Variants in RGL1 observed in about 807,000 individuals in gnomAD.
RGL1 encodes the protein ral guanine nucleotide dissociation stimulator-like 1.
RGL1 carries 24 observed loss-of-function variants against 95.2 expected under a neutral mutation model. That is an observed-to-expected ratio of 0.25 (90% CI 0.18 to 0.35). The LOEUF is 0.35. Ranked by LOEUF, RGL1 falls within the 10% of genes least tolerant of loss-of-function variation. The pLI, the probability that RGL1 is intolerant of heterozygous loss-of-function variation, is 1.00. For missense variants in RGL1, 715 were observed against 936.3 expected (o/e 0.76, Z 3.08); for synonymous variants, 329 against 344.9 (o/e 0.95, Z 0.51).
At position 183,742,169 on chromosome 1, in the gene RGL1, A is replaced by G. The variant is rs1288318711; in HGVS notation, c.12A>G (p.Lys4=). 1.9e-6 allele frequency: 3 copies of G among 1,613,830 alleles called. No homozygotes were observed. In the African/African-American group the frequency reaches 4.0e-5, roughly 22 times the overall value. ...CTGCCTCTTTCAAGATGGAGGTGAA[A>G]CCTGTGGGAGAACCTACTCAAGAGG... The change falls in exon 2 of 19, where the codon AAA becomes AAG. Residue 4 remains lysine, a synonymous_variant. Coordinates refer to the RGL1 transcript ENST00000304685.
In RGL1 at chr1:183,926,249, A is replaced by C; in HGVS notation, c.2264A>C (p.Lys755Thr). Residue 755 changes from lysine to threonine, a missense_variant, in exon 18 of 18, where the codon AAA becomes ACA. This residue lies in a region of RGL1 where 330 missense variants were observed against 429.6 expected (regional missense o/e 0.77). Coordinates refer to ENST00000360851, the MANE Select transcript of RGL1 (RefSeq NM_001297671.3). ...AGCTTGACGTTGCCCAGGACAGCTA[A>C]ACGGGGCTGCTGGAGTAACAGACAC... ...RTSLTLPRTA[K>T]RGCWSNRHSK... 6.2e-7 allele frequency: 1 copy of C among 1,613,418 alleles called. No homozygotes were observed. The highest frequency in any genetic ancestry group is 8.5e-7 in the Non-Finnish European group (1 of 1,179,668).
chr1:183,806,230 T>C, intron 1 of RGL1, 145 bp from the exon 2 acceptor site: 5 of 579,448 alleles, frequency 8.6e-6, no homozygotes, highest in Non-Finnish European at 1.2e-5. Context: ...AAATGTGTCT[T>C]GTATTGCGGA....
At chr1:183,723,133 G>A (rs1656107428) in intron 1 of RGL1, among the ~76,000 whole-genome samples, 1 of 151,984 alleles carries the variant, frequency 6.6e-6, no homozygotes, top group Admixed American at 6.5e-5. Context: ...AGACAAATAA[G>A]ATAAAGATGC....
chr1:183,667,245 A>T (rs1024657881), intron 1 of RGL1, among the ~76,000 whole-genome samples: 1 of 151,260 alleles, frequency 6.6e-6, no homozygotes, highest in Middle Eastern at 3.2e-3. Context: ...TTTAAACAAC[A>T]TATAGCCAGG....
intron 2 of RGL1, among the ~76,000 whole-genome samples, chr1:183,820,582 C>G (rs1010649576): frequency 2.6e-5 from 4 of 152,114 alleles, no homozygotes; most frequent in Admixed American, 2.6e-4. Flanking sequence ...TTGCCACTCT[C>G]TTGCTCTGGA....
At chr1:183,807,613 C>G (rs1293846271) in intron 2 of RGL1, among the ~76,000 whole-genome samples, 1 of 152,216 alleles carries the variant, frequency 6.6e-6, no homozygotes, top group African/African-American at 2.4e-5. Flanking sequence ...ACTTCCTCTG[C>G]CATGAGTCTG....
Position 183,824,782 on chromosome 1 carries a change from A to G in RGL1, c.138+18297A>G, listed in dbSNP as rs185304024. Among the ~76,000 whole-genome samples, 81 of 152,318 alleles carry G rather than the reference A, an allele frequency of 5.3e-4. 1 individual carries two copies. The highest frequency in any genetic ancestry group is 1.9e-3 in the African/African-American group (81 of 41,574). ...CTCTTTAGGTGCTTTCTTTCATTGCATATTTTAAATATTTGTCTCACCTTT... is the reference window on the plus strand; with the variant it reads ...CTCTTTAGGTGCTTTCTTTCATTGCGTATTTTAAATATTTGTCTCACCTTT... On this transcript the variant is annotated intron_variant, in intron 2 of 17. Transcript: ENST00000360851.
rs1277794255 is a variant in RGL1, at chr1:183,850,284, TATC to T, written c.347+2513_347+2515del. Among the ~76,000 whole-genome samples the T allele has an allele frequency of 3.3e-5, 5 of 151,618 alleles. No individual in the cohort carries two copies. In the East Asian group the frequency reaches 5.8e-4, roughly 18 times the overall value. On this transcript the variant is annotated intron_variant, in intron 3 of 17. Transcript: ENST00000360851. ...ATATTAAGGGAATTAGTTTGTTGCT[TATC>T]ATATGTTAGAAATATTTTCCTAATT...
chr1:183,855,078 A>G (rs987006530), intron 3 of RGL1, among the ~76,000 whole-genome samples: 1 of 152,178 alleles, frequency 6.6e-6, no homozygotes, highest in African/African-American at 2.4e-5. Flanking sequence ...TGCCTGCAGT[A>G]GGTGCTTAGG....
chr1:183,649,689 A>G (rs1386803567), intron 1 of RGL1, among the ~76,000 whole-genome samples: 1 of 152,216 alleles, frequency 6.6e-6, no homozygotes, highest in Non-Finnish European at 1.5e-5. Context: ...ATGGTTCTTT[A>G]GAATATTTCA....
At chr1:183,876,483 G>A (rs763517942) in intron 4 of RGL1, among the ~76,000 whole-genome samples, 9 of 152,228 alleles carry the variant, frequency 5.9e-5, no homozygotes, top group Non-Finnish European at 8.8e-5. Flanking sequence ...CCTTAGGACC[G>A]AGGAGTTTTG....
intron 2 of RGL1, among the ~76,000 whole-genome samples, chr1:183,822,902 A>G (rs537508282): frequency 1.3e-5 from 2 of 152,228 alleles, no homozygotes; most frequent in East Asian, 3.9e-4. Context: ...TTCCTGTTTT[A>G]GGGTCTTTTC....
intron 1 of RGL1, among the ~76,000 whole-genome samples, chr1:183,805,975 T>C (rs1271597312): frequency 8.6e-5 from 2 of 23,216 alleles, no homozygotes; most frequent in South Asian, 1.7e-3. Flanking sequence ...TCTTTTCTTT[T>C]TTTTTTTTTT....
chr1:183,905,026 C>T (rs1668238781), intron 13 of RGL1, 55 bp downstream of exon 13: 4 of 1,580,842 alleles, frequency 2.5e-6, no homozygotes, highest in Admixed American at 1.9e-5. Flanking sequence ...AAGAAAAATG[C>T]TGCATTTAAT....
intron 1 of RGL1, among the ~76,000 whole-genome samples, chr1:183,710,787 ACCT>A (rs1553273337): frequency 6.6e-6 from 1 of 152,016 alleles, no homozygotes; most frequent in Non-Finnish European, 1.5e-5. Context: ...CGATCCAGTC[ACCT>A]CCCACCAGGT....
chr1:183,772,945 C>T (rs1659365360), intron 2 of RGL1, among the ~76,000 whole-genome samples: 1 of 136,622 alleles, frequency 7.3e-6, no homozygotes, highest in Admixed American at 8.4e-5. Context: ...GGAAGCGGAG[C>T]TTGCAGTGAG....
chr1:183,847,028 C>G (rs184578782), intron 2 of RGL1, among the ~76,000 whole-genome samples: 35 of 152,200 alleles, frequency 2.3e-4, no homozygotes, highest in African/African-American at 7.9e-4. Context: ...GCAAATGTAA[C>G]CATTATGAAG....
intron 1 of RGL1, among the ~76,000 whole-genome samples, chr1:183,733,016 T>C (rs1402990505): frequency 6.6e-6 from 1 of 152,162 alleles, no homozygotes; most frequent in East Asian, 1.9e-4. Flanking sequence ...CGAGGTTAAA[T>C]TCAACAGCTG....
At position 183,884,812 on chromosome 1, in the gene RGL1, G is replaced by A. The variant is rs142391663; in HGVS notation, c.825G>A (p.Thr275=). The A allele has an allele frequency of 2.7e-5, 43 of 1,614,100 alleles. No individual in the cohort carries two copies. In the African/African-American group the frequency reaches 4.7e-4, roughly 18 times the overall value. Residue 275 remains threonine (T), a synonymous_variant, in exon 7 of 18, where the codon ACG becomes ACA. Transcript: ENST00000360851. ...AGGAAAACAAACATTTGGCTCCTAC[G>A]ATCCGTGCCACCATCTCTCAGTTTA... is the stretch of plus-strand genomic sequence containing the variant. ...DKKENKHLAP[T]IRATISQFNT... is the part of the protein sequence containing the mutation.
Sources: gnomAD v4.1 joint callset for allele counts (sites outside exome capture counted in the v4.1 genomes callset) on GRCh38, gnomAD v4.1.1 for gene constraint, gnomAD v4.1.1 regional missense constraint, MANE v1.5 for transcripts, NCBI Gene and HGNC (gene_info 2026-07-23, HGNC 2026-07-21) for gene names.